Variants in MAP2K6 observed in about 807,000 individuals in gnomAD.
MAP2K6 encodes the protein mitogen-activated protein kinase kinase 6, also known as dual specificity mitogen-activated protein kinase kinase 6.
Under a neutral mutation model 53.7 loss-of-function variants are expected in MAP2K6, and 16 were observed. The ratio of observed to expected loss-of-function variants is 0.30; its 90% CI spans 0.20 to 0.45. The LOEUF is 0.45. Ranked by LOEUF, MAP2K6 falls within the 20% of genes least tolerant of loss-of-function variation. The probability of loss-of-function intolerance (pLI) is 1.00; values close to 1 mark genes in which losing one functional copy is unlikely to be tolerated. For missense variants in MAP2K6, 204 were observed against 411.9 expected, an observed-to-expected ratio of 0.50 and a Z score of 4.37; for synonymous variants, 132 against 143.1, an observed-to-expected ratio of 0.92 and a Z score of 0.55.
intron 1 of MAP2K6, among the ~76,000 whole-genome samples, chr17:69,456,722 C>T (rs187315145): frequency 2.4e-3 from 362 of 152,314 alleles, no homozygotes; most frequent in Non-Finnish European, 4.0e-3. Flanking sequence ...CCTAGCCTTC[C>T]TCCTTCATCC....
intron 1 of MAP2K6, among the ~76,000 whole-genome samples, chr17:69,454,158 C>A (rs923810981): frequency 6.6e-6 from 1 of 152,158 alleles, no homozygotes; most frequent in Non-Finnish European, 1.5e-5. Flanking sequence ...TATCAGGAAG[C>A]TATTGGGATT....
At chr17:69,529,212 T>C (rs1401519332) in intron 10 of MAP2K6, among the ~76,000 whole-genome samples, 3 of 152,166 alleles carry the variant, frequency 2.0e-5, no homozygotes, top group Non-Finnish European at 2.9e-5. Context: ...ATTTAACTGA[T>C]CTGGGGAGGG....
At chr17:69,512,344 T>G (rs1241901458) in intron 2 of MAP2K6, among the ~76,000 whole-genome samples, 1 of 127,604 alleles carries the variant, frequency 7.8e-6, no homozygotes, top group East Asian at 2.2e-4. Context: ...TTTTTGTTTT[T>G]TTTTTTTTTT....
At chr17:69,491,078 T>G (rs114222715) in intron 1 of MAP2K6, among the ~76,000 whole-genome samples, 1,722 of 152,312 alleles carry the variant, frequency 0.011, 32 homozygotes, top group African/African-American at 0.039. Context: ...TGCATAGTAC[T>G]TCGTGGTGTA....
chr17:69,460,608 TTTG>T (rs922088425), intron 1 of MAP2K6, among the ~76,000 whole-genome samples: 3 of 151,990 alleles, frequency 2.0e-5, no homozygotes, highest in Non-Finnish European at 2.9e-5. Flanking sequence ...GGCACAGTAT[TTTG>T]TTGTTGTTGT....
At chr17:69,531,981 T>G (rs1911106759) in intron 10 of MAP2K6, among the ~76,000 whole-genome samples, 1 of 152,110 alleles carries the variant, frequency 6.6e-6, no homozygotes, top group Admixed American at 6.5e-5. Context: ...TTCCTATAGG[T>G]TCACAGAAGG....
At chr17:69,415,057 A>C in intron 1 of MAP2K6, 57 bp downstream of exon 1, 6 of 1,472,776 alleles carry the variant, frequency 4.1e-6, no homozygotes, top group Non-Finnish European at 5.7e-6. Flanking sequence ...TGCATTTATG[A>C]ATGCATGGAT....
At chr17:69,438,164 C>T (rs1293330437) in intron 1 of MAP2K6, among the ~76,000 whole-genome samples, 4 of 152,228 alleles carry the variant, frequency 2.6e-5, no homozygotes, top group African/African-American at 9.6e-5. Context: ...ACATGAATGG[C>T]TGACTTGTTG....
At chr17:69,534,416 G>A (rs1911247405) in intron 10 of MAP2K6, among the ~76,000 whole-genome samples, 1 of 152,082 alleles carries the variant, frequency 6.6e-6, no homozygotes, top group African/African-American at 2.4e-5. Flanking sequence ...TAGGTCCTAG[G>A]TCTGCCCTCA....
At chr17:69,514,652 C>T (rs1910044514) in intron 2 of MAP2K6, among the ~76,000 whole-genome samples, 1 of 151,974 alleles carries the variant, frequency 6.6e-6, no homozygotes, top group African/African-American at 2.4e-5. Flanking sequence ...ACCTCTGCCT[C>T]CTGGGTTCAA....
chr17:69,465,653 C>T (rs1306035245), intron 1 of MAP2K6, among the ~76,000 whole-genome samples: 1 of 147,400 alleles, frequency 6.8e-6, no homozygotes, highest in East Asian at 2.0e-4. Context: ...AAGTTTCGCT[C>T]TTGTTGTCCA....
chr17:69,469,059 A>AT (rs1907904016), intron 1 of MAP2K6, among the ~76,000 whole-genome samples: 1 of 152,134 alleles, frequency 6.6e-6, no homozygotes, highest in Non-Finnish European at 1.5e-5. Context: ...TGCAGGACCT[A>AT]TTTTCTAGGG....
chr17:69,519,325 A>G lies in MAP2K6; in HGVS notation c.259A>G (p.Thr87Ala). 1 of 1,613,830 alleles carries G rather than the reference A, an allele frequency of 6.2e-7. No homozygotes were observed. Among genetic ancestry groups the G allele is most frequent in the Non-Finnish European group, 8.5e-7 (1 of 1,179,878 alleles). ...QIMAVKRIRA[T>A]VNSQEQKRLL... is the part of the protein sequence containing the mutation. ...CATTTCCATTCAGCGGATCCGAGCC[A>G]CAGTAAATAGCCAGGAACAGAAACG... The change falls in exon 5 of 12, where the codon ACA becomes GCA. Residue 87 changes from threonine (T) to alanine (A), a missense_variant. Thr to Ala is a moderately conservative substitution (Grantham distance 58). Around this residue, in one of 3 missense-constraint regions of MAP2K6, gnomAD observed 129 missense variants for 247.1 expected, o/e 0.52. Transcript: ENST00000590474.
At chr17:69,425,676 G>T (rs1022430629) in intron 1 of MAP2K6, among the ~76,000 whole-genome samples, 1 of 152,174 alleles carries the variant, frequency 6.6e-6, no homozygotes, top group Non-Finnish European at 1.5e-5. Context: ...CTATGCCTCA[G>T]TTGTTTTTCA....
intron 1 of MAP2K6, among the ~76,000 whole-genome samples, chr17:69,441,326 TTCTC>T (rs570295977): frequency 9.3e-4 from 142 of 152,350 alleles, no homozygotes; most frequent in Non-Finnish European, 1.5e-3. Context: ...CAGGTCTATT[TTCTC>T]TCTATTTTTC....
At position 69,494,316 on chromosome 17, in the gene MAP2K6, G is replaced by A. The variant is rs940649685; in HGVS notation, c.17-11464G>A. ...AGTTTGTGACCAGCCTGGCCAACAC[G>A]GTAAAACCTCATCTCTACTAAAAAT... On this transcript the variant is annotated intron_variant, in intron 1 of 11. Coordinates refer to ENST00000590474, the MANE Select transcript of MAP2K6 (RefSeq NM_002758.4). This position sits in a 1 kb window ranked among gnomAD's most constrained non-coding sequence, Gnocchi z 4.2. 6.6e-6 allele frequency among the ~76,000 whole-genome samples: 1 copy of A among 152,108 alleles called. No homozygotes were observed. Among genetic ancestry groups the A allele is most frequent in the African/African-American group, 2.4e-5 (1 of 41,418 alleles).
In MAP2K6 at chr17:69,523,620, A is replaced by G. The variant is rs753249351; in HGVS notation, c.642A>G (p.Ala214=). ...LVDSVAKTID[A]GCKPYMAPER... Reference sequence around the variant, plus strand: ...ACTCTGTTGCTAAAACAATTGATGCAGGTTGCAAACCATACATGGCCGTAA... The same window carrying G: ...ACTCTGTTGCTAAAACAATTGATGCGGGTTGCAAACCATACATGGCCGTAA... Residue 214 remains alanine, a synonymous_variant, in exon 8 of 12, where the codon GCA becomes GCG. Transcript: ENST00000590474. 1.2e-6 allele frequency: 2 copies of G among 1,614,110 alleles called. No individual in the cohort carries two copies. The highest frequency in any genetic ancestry group is 1.7e-6 in the Non-Finnish European group (2 of 1,179,948).
chr17:69,539,769 G>A (rs774443003), intron 11 of MAP2K6, among the ~76,000 whole-genome samples: 3 of 152,330 alleles, frequency 2.0e-5, no homozygotes, highest in South Asian at 2.1e-4. Context: ...GGCATGTCCT[G>A]TTTTGATAGT....
chr17:69,513,807 C>G (rs1598301837), intron 2 of MAP2K6, among the ~76,000 whole-genome samples: 1 of 152,024 alleles, frequency 6.6e-6, no homozygotes, highest in East Asian at 1.9e-4. Context: ...TAATTAGTGA[C>G]CTTTCTGTTG....
Sources: allele counts gnomAD v4.1 joint callset (sites outside exome capture counted in the v4.1 genomes callset), GRCh38; gene constraint gnomAD v4.1.1; regional missense constraint gnomAD v4.1.1; non-coding constraint Gnocchi (gnomAD v3.1); transcripts MANE v1.5; gene names NCBI Gene and HGNC (gene_info 2026-07-23, HGNC 2026-07-21).